CARD14: variants seen among roughly 807,000 people sequenced by gnomAD.
The protein encoded by CARD14 is caspase recruitment domain family member 14.
In CARD14, 107 loss-of-function variants were observed where a neutral mutation model predicts 111.5. The observed-to-expected ratio is 0.96, with a 90% CI of 0.82 to 1.13. The LOEUF (loss-of-function observed/expected upper bound fraction) is 1.13, where lower values mean the gene tolerates loss of function less well. Ranked by LOEUF, CARD14 falls within the 50% of genes most tolerant of loss-of-function variation. The probability of loss-of-function intolerance (pLI) is 0.00; values close to 1 mark genes in which losing one functional copy is unlikely to be tolerated. For synonymous variants in CARD14, 617 were observed against 579.6 expected (o/e 1.06, Z -0.93); for missense variants, 1,322 against 1,362.3 (o/e 0.97, Z 0.47).
Position 80,198,412 on chromosome 17 carries a change from C to T in CARD14, c.1672C>T (p.Arg558Trp), listed in dbSNP as rs373983740. 26 of 1,601,828 alleles carry T rather than the reference C, an allele frequency of 1.6e-5. No homozygotes were observed. The highest frequency in any genetic ancestry group is 2.1e-5 in the Non-Finnish European group (25 of 1,172,114). Residue 558 changes from arginine (R) to tryptophan (W), a missense_variant, in exon 16 of 24, where the codon CGG becomes TGG. By Grantham distance (101) the Arg-to-Trp change is moderately radical. Coordinates refer to ENST00000648509, the MANE Select transcript of CARD14 (RefSeq NM_001366385.1). The surrounding 1 kb of genome is among the most constrained non-coding windows in gnomAD (Gnocchi z 7.5). ...LDVSESGVLM[R>W]RRPARRILSQ... ...CCCGGCCTGCAGCGGCGTCCTCATGCGGCGGAGGCCAGCCCGCAGGATCCT... is the reference window on the plus strand; with the variant it reads ...CCCGGCCTGCAGCGGCGTCCTCATGTGGCGGAGGCCAGCCCGCAGGATCCT...
intron 11 of CARD14, 85 bp from the exon 12 acceptor site, chr17:80,192,418 G>C (rs796532288): frequency 2.2e-6 from 2 of 920,376 alleles, no homozygotes; most frequent in Non-Finnish European, 3.5e-6. Context: ...GGTGAAATGG[G>C]TGGTGCTGAC....
chr17:80,205,094 C>G lies in CARD14; in HGVS notation c.2458C>G (p.Arg820Gly). Residue 820 changes from arginine to glycine, a missense_variant, in exon 21 of 24, where the codon CGG (arginine) becomes GGG (glycine). Arg to Gly is a moderately radical substitution (Grantham distance 125). Transcript: ENST00000648509. ...CACCCTGGTGCCCTATACCCTGGTG[C>G]GGCCCCATCGACCCGCCCGGCCCCG... ...CLTLVPYTLV[R>G]PHRPARPRPV... 2 of 1,612,662 alleles carry G rather than the reference C, an allele frequency of 1.2e-6. No individual in the cohort carries two copies. Among genetic ancestry groups the G allele is most frequent in the Non-Finnish European group, 1.7e-6 (2 of 1,179,542 alleles).
At chr17:80,204,124 C>T in intron 19 of CARD14, 103 bp from the exon 20 acceptor site, 1 of 1,142,802 alleles carries the variant, frequency 8.8e-7, no homozygotes, top group Non-Finnish European at 1.2e-6. Context: ...TGCGCCTCTG[C>T]ATCACTCCCA....
chr17:80,192,716 TCCCC>T, intron 12 of CARD14, 97 bp downstream of exon 12: 3 of 776,128 alleles, frequency 3.9e-6, no homozygotes, highest in African/African-American at 1.7e-5. Flanking sequence ...TTCCACCCTG[TCCCC>T]ACAGGGAAGA....
intron 4 of CARD14, 42 bp from the exon 5 acceptor site, chr17:80,181,377 C>T: frequency 1.4e-6 from 2 of 1,475,542 alleles, no homozygotes. Flanking sequence ...TCCTGGGGTC[C>T]TGCTTACCTG....
rs1016907203 is a variant in CARD14, at chr17:80,208,999, CCT to C, written c.*655_*656del. The stretch of plus-strand genomic sequence containing the variant: ...TTCAGTGGGTCTGTGCCCCGTGGCC[CCT>C]GTGCCTGTTCGGTGGGGGTGTCCCA... On this transcript the variant is annotated 3_prime_UTR_variant, in exon 24 of 24. Coordinates refer to ENST00000648509, the MANE Select transcript of CARD14 (RefSeq NM_001366385.1). The C allele has an allele frequency of 2.2e-4, 33 of 152,432 alleles. No homozygotes were observed. Among genetic ancestry groups the C allele is most frequent in the Admixed American group, 1.8e-3 (28 of 15,306 alleles). The allele number at this position is 152,432 out of a possible 1,614,324, so 9.4% of individuals were successfully genotyped here.
In CARD14 at chr17:80,182,780, T is replaced by G. The variant is rs1417315012; in HGVS notation, c.339T>G (p.Ser113Arg). 6.2e-7 allele frequency: 1 copy of G among 1,614,162 alleles called. No homozygotes were observed. The highest frequency in any genetic ancestry group is 1.7e-5 in the Admixed American group (1 of 60,016). Residue 113 changes from serine to arginine, a missense_variant, in exon 6 of 24, where the codon AGT (serine) becomes AGG (arginine). Coordinates refer to ENST00000648509, the MANE Select transcript of CARD14 (RefSeq NM_001366385.1). This position sits in a 1 kb window ranked among gnomAD's most constrained non-coding sequence, Gnocchi z 4.7. ...GGCTGCAGCCTGATGTTGACTTCAG[T>G]AACTTTAGCGGTGAGAGCTCCGACT... The part of the protein sequence containing the change: ...VTGLQPDVDF[S>R]NFSGLMETSK...
chr17:80,188,434 G>T lies in CARD14; in HGVS notation c.733G>T (p.Glu245Ter). Residue 245 changes from glutamate (E) to a stop codon, truncating the protein, a stop_gained, in exon 8 of 24, where the codon GAA becomes TAA. Coordinates refer to ENST00000648509, the MANE Select transcript of CARD14 (RefSeq NM_001366385.1). LOFTEE classifies it high-confidence loss of function. The surrounding 1 kb of genome is among the most constrained non-coding windows in gnomAD (Gnocchi z 4.5). ...CAACATGGTTTCCTCCTGTGAGCTGGAATTGCAAGAGCAGTCCCTGAGGAC... is the reference window on the plus strand; with the variant it reads ...CAACATGGTTTCCTCCTGTGAGCTGTAATTGCAAGAGCAGTCCCTGAGGAC... ...RANMVSSCEL[E>*]LQEQSLRTAS... 1 of 1,610,372 alleles carries T rather than the reference G, an allele frequency of 6.2e-7. No homozygotes were observed. The highest frequency in any genetic ancestry group is 8.5e-7 in the Non-Finnish European group (1 of 1,178,356).
intron 4 of CARD14, among the ~76,000 whole-genome samples, chr17:80,179,773 A>C (rs139353090): frequency 2.0e-5 from 3 of 152,300 alleles, no homozygotes; most frequent in African/African-American, 7.2e-5. Flanking sequence ...TCAAGGCTGC[A>C]GTGAGCCACG....
rs992880057 is a variant in CARD14 at position 80,182,383 on chromosome 17, G to A, written c.212-270G>A. 6.6e-6 allele frequency among the ~76,000 whole-genome samples: 1 copy of A among 152,218 alleles called. No individual in the cohort carries two copies. The highest frequency in any genetic ancestry group is 2.4e-5 in the African/African-American group (1 of 41,466). On this transcript the variant is annotated intron_variant, in intron 5 of 23. Transcript: ENST00000648509. This position sits in a 1 kb window ranked among gnomAD's most constrained non-coding sequence, Gnocchi z 4.7. Reference sequence around the variant, plus strand: ...ACCCCGTCCCGGTCCCCCCGCACTCGCCAGAGCACTGGGGTTGCAGTAGTT... The same window carrying A: ...ACCCCGTCCCGGTCCCCCCGCACTCACCAGAGCACTGGGGTTGCAGTAGTT...
chr17:80,204,442 C>T, intron 20 of CARD14, 101 bp downstream of exon 20: 1 of 1,142,424 alleles, frequency 8.8e-7, no homozygotes, highest in East Asian at 2.7e-5. Context: ...GGATGCCACT[C>T]ATTTAGGCCA....
rs533183128 is a variant in CARD14, at chr17:80,208,114, C to A, written c.2808-24C>A. On this transcript the variant is annotated intron_variant, in intron 23 of 23. Transcript: ENST00000648509. Reference sequence around the variant, plus strand: ...GGCCCTTGCTCTCCCCTGAGCCCGCCCCCCCCAACTCTGGCCTGTGCAGGA... The same window carrying A: ...GGCCCTTGCTCTCCCCTGAGCCCGCACCCCCCAACTCTGGCCTGTGCAGGA... 1.3e-5 allele frequency: 20 copies of A among 1,490,594 alleles called. No homozygotes were observed. In the African/African-American group the frequency reaches 2.7e-4, roughly 20 times the overall value. The allele number at this position is 1,490,594 out of a possible 1,614,324, so 92.3% of individuals were successfully genotyped here. A position where few individuals can be genotyped will look rare whatever the true frequency, so the allele number is the denominator to read the frequency against.
chr17:80,170,830 C>T (rs1327566829), intron 1 of CARD14, among the ~76,000 whole-genome samples: 1 of 114,146 alleles, frequency 8.8e-6, no homozygotes, highest in African/African-American at 3.3e-5. Context: ...CTCCTCTCCC[C>T]TCTCCTCCCC....
At position 80,199,167 on chromosome 17, in the gene CARD14, G is replaced by A. The variant is rs144647433; in HGVS notation, c.1851+576G>A. ...CTTTTTTTTGTTGTTGTTACGAAAC[G>A]CACAAAACTGCTGAGAAGATAAATG... On this transcript the variant is annotated intron_variant, in intron 16 of 23. Transcript: ENST00000648509. Among the ~76,000 whole-genome samples, 66 of 152,054 alleles carry A rather than the reference G, an allele frequency of 4.3e-4. No individual in the cohort carries two copies. In the East Asian group the frequency reaches 7.2e-3, roughly 16 times the overall value.
chr17:80,186,193 C>T (rs759585899), intron 7 of CARD14, among the ~76,000 whole-genome samples: 29 of 152,198 alleles, frequency 1.9e-4, no homozygotes, highest in Non-Finnish European at 3.5e-4. Context: ...CCCACGGCCT[C>T]TGCCTTCCCT....
In CARD14 at chr17:80,205,031, A is replaced by G. The variant is rs11653893; in HGVS notation, c.2399-4A>G. The G allele has an allele frequency of 0.47, 741,596 of 1,571,222 alleles. 180,221 individuals carry two copies. The highest frequency in any genetic ancestry group is 0.55 in the East Asian group (24,030 of 43,408). ...ACCCACCCTCAGGATCCTCTCCTCCACAGGCTCCAGCACGTGCTTCTGGGC... is the reference window on the plus strand; with the variant it reads ...ACCCACCCTCAGGATCCTCTCCTCCGCAGGCTCCAGCACGTGCTTCTGGGC... On this transcript the variant is annotated splice_polypyrimidine_tract_variant and splice_region_variant and intron_variant, in intron 20 of 23. Coordinates refer to ENST00000648509, the MANE Select transcript of CARD14 (RefSeq NM_001366385.1).
At position 80,195,121 on chromosome 17, in the gene CARD14, G is replaced by C; in HGVS notation, c.1357-70G>C. 1.3e-6 allele frequency: 2 copies of C among 1,524,776 alleles called. No individual in the cohort carries two copies. Among genetic ancestry groups the C allele is most frequent in the Non-Finnish European group, 1.8e-6 (2 of 1,130,624 alleles). The allele number at this position is 1,524,776 out of a possible 1,614,324, so 94.5% of individuals were successfully genotyped here. A position where few individuals can be genotyped will look rare whatever the true frequency, so the allele number is the denominator to read the frequency against. On this transcript the variant is annotated intron_variant, in intron 12 of 23. Transcript: ENST00000648509. This position sits in a 1 kb window ranked among gnomAD's most constrained non-coding sequence, Gnocchi z 4.7. ...CTCACTGTGGCTCTCTCTACACCGTGGGGGAGCAAGGGAGGAGTCTCAGGG... is the reference window on the plus strand; with the variant it reads ...CTCACTGTGGCTCTCTCTACACCGTCGGGGAGCAAGGGAGGAGTCTCAGGG...
chr17:80,198,770 C>T lies in CARD14; in HGVS notation c.1851+179C>T, dbSNP rs201939938. 5.5e-5 allele frequency: 83 copies of T among 1,505,056 alleles called. No individual in the cohort carries two copies. The highest frequency in any genetic ancestry group is 6.2e-5 in the Non-Finnish European group (70 of 1,131,372). The allele number at this position is 1,505,056 out of a possible 1,614,324, so 93.2% of individuals were successfully genotyped here. A position where few individuals can be genotyped will look rare whatever the true frequency, so the allele number is the denominator to read the frequency against. ...GCTCATTTATAGATGAGAGTCGTGCCGTGCAGAACCCAGCATGTCACCCGT... is the reference window on the plus strand; with the variant it reads ...GCTCATTTATAGATGAGAGTCGTGCTGTGCAGAACCCAGCATGTCACCCGT... On this transcript the variant is annotated intron_variant, in intron 16 of 23. Coordinates refer to ENST00000648509, the MANE Select transcript of CARD14 (RefSeq NM_001366385.1). This position sits in a 1 kb window ranked among gnomAD's most constrained non-coding sequence, Gnocchi z 7.5.
intron 6 of CARD14, among the ~76,000 whole-genome samples, 188 bp from the exon 7 acceptor site, chr17:80,183,725 C>T (rs1308708325): frequency 6.6e-6 from 1 of 152,112 alleles, no homozygotes; most frequent in Non-Finnish European, 1.5e-5. Context: ...TGCACCTGCA[C>T]ACCTGCCCAC....
Sources: gnomAD v4.1 joint callset for allele counts (sites outside exome capture counted in the v4.1 genomes callset) on GRCh38, gnomAD v4.1.1 for gene constraint, Gnocchi (gnomAD v3.1) non-coding constraint, MANE v1.5 for transcripts, NCBI Gene and HGNC (gene_info 2026-07-23, HGNC 2026-07-21) for gene names.